The following TBC1D12 variants were observed in gnomAD, a reference collection of about 807,000 sequenced individuals.
TBC1D12 encodes the protein TBC1 domain family, member 12.
TBC1D12 carries 56 observed loss-of-function variants against 86.7 expected under a neutral mutation model. The ratio of observed to expected loss-of-function variants is 0.65; its 90% CI spans 0.52 to 0.81. The LOEUF is 0.81. Among genes scored for constraint, TBC1D12 ranks in the 30% least tolerant of loss-of-function variants. The probability of loss-of-function intolerance (pLI) is 0.00; values close to 1 mark genes in which losing one functional copy is unlikely to be tolerated. For synonymous variants in TBC1D12, 421 were observed against 411.7 expected (o/e 1.02, Z -0.27); for missense variants, 1,023 against 1,038.8 (o/e 0.98, Z 0.21).
In TBC1D12 at chr10:94,533,648, G is replaced by A. The variant is rs979236313; in HGVS notation, c.*552G>A. 2.6e-5 allele frequency: 4 copies of A among 152,166 alleles called. No homozygotes were observed. The highest frequency in any genetic ancestry group is 9.7e-5 in the African/African-American group (4 of 41,430). The allele number at this position is 152,166 out of a possible 1,614,324, so 9.4% of individuals were successfully genotyped here. ...GCAAATTCGAGTTACCTAGGAACTG[G>A]AAATGTTGGTGGGAGATTGTTTATT... On this transcript the variant is annotated 3_prime_UTR_variant, in exon 13 of 13. Transcript: ENST00000225235.
chr10:94,506,620 A>G (rs796421068), intron 6 of TBC1D12, among the ~76,000 whole-genome samples: 11 of 152,308 alleles, frequency 7.2e-5, no homozygotes, highest in African/African-American at 2.4e-4. Flanking sequence ...GAGACCCTGC[A>G]TATGGGAGTG....
Position 94,414,574 on chromosome 10 carries a change from G to T in TBC1D12, c.971+10990G>T, listed in dbSNP as rs192845147. Among the ~76,000 whole-genome samples, 4 of 150,100 alleles carry T rather than the reference G, an allele frequency of 2.7e-5. No individual in the cohort carries two copies. In the East Asian group the frequency reaches 7.8e-4, roughly 29 times the overall value. ...TCCCTAACGTCCCTGTCTCCCAGTGGCTTCTCAATAGGCCATACTGTGAAA... is the reference window on the plus strand; with the variant it reads ...TCCCTAACGTCCCTGTCTCCCAGTGTCTTCTCAATAGGCCATACTGTGAAA... On this transcript the variant is annotated intron_variant, in intron 1 of 12. Transcript: ENST00000225235.
intron 6 of TBC1D12, among the ~76,000 whole-genome samples, 178 bp downstream of exon 6, chr10:94,500,505 AGTT>A (rs1302808678): frequency 6.6e-6 from 1 of 152,222 alleles, no homozygotes; most frequent in Admixed American, 6.5e-5. Flanking sequence ...TGATTTAATA[AGTT>A]ATTACATTTT....
chr10:94,442,287 A>AT (rs1026316265), intron 2 of TBC1D12, among the ~76,000 whole-genome samples: 5 of 152,110 alleles, frequency 3.3e-5, no homozygotes, highest in Middle Eastern at 3.4e-3. Context: ...CCTTGAATAG[A>AT]TTTTTTAAAA....
At chr10:94,468,177 T>A (rs542315062) in intron 2 of TBC1D12, among the ~76,000 whole-genome samples, 2 of 152,346 alleles carry the variant, frequency 1.3e-5, no homozygotes, top group South Asian at 4.1e-4. Context: ...GTAAACTGCT[T>A]ATTTACATTT....
chr10:94,524,269 A>G (rs1842229306), intron 11 of TBC1D12, among the ~76,000 whole-genome samples: 1 of 152,178 alleles, frequency 6.6e-6, no homozygotes, highest in Non-Finnish European at 1.5e-5. Context: ...GGTATTACGC[A>G]TCTCCTCCTC....
At chr10:94,515,990 C>T (rs925817612) in intron 9 of TBC1D12, among the ~76,000 whole-genome samples, 1 of 152,176 alleles carries the variant, frequency 6.6e-6, no homozygotes, top group Non-Finnish European at 1.5e-5. Flanking sequence ...TTTTACCACC[C>T]TATTTAGAAC....
At chr10:94,517,750 A>G (rs745711798) in intron 9 of TBC1D12, among the ~76,000 whole-genome samples, 18 of 152,238 alleles carry the variant, frequency 1.2e-4, no homozygotes, top group Non-Finnish European at 2.4e-4. Context: ...TAACTATGTT[A>G]ATGAATAACA....
At chr10:94,435,638 T>A (rs2055283373) in intron 1 of TBC1D12, among the ~76,000 whole-genome samples, 1 of 152,248 alleles carries the variant, frequency 6.6e-6, no homozygotes, top group Non-Finnish European at 1.5e-5. Flanking sequence ...CCTCTAAATT[T>A]ATGTCTTTTT....
intron 3 of TBC1D12, among the ~76,000 whole-genome samples, chr10:94,488,327 G>A (rs980365829): frequency 4.0e-5 from 6 of 150,742 alleles, no homozygotes; most frequent in Non-Finnish European, 8.8e-5. Flanking sequence ...GGCGGAGGCT[G>A]CAGTGAGCTG....
rs755269898 is a variant in TBC1D12, at chr10:94,403,384, T to G, written c.771T>G (p.Asn257Lys). The part of the protein sequence containing the change: ...APPATSAERT[N>K]GGAEPRLGFS... ...CTGCCACCTCGGCCGAGAGGACTAA[T>G]GGGGGTGCGGAGCCGCGCCTGGGCT... Residue 257 changes from asparagine to lysine, a missense_variant, in exon 1 of 13, where the codon AAT becomes AAG. Physicochemically the swap from Asn to Lys is moderately conservative, Grantham distance 94. Coordinates refer to ENST00000225235, the MANE Select transcript of TBC1D12 (RefSeq NM_015188.2). The G allele has an allele frequency of 9.7e-6, 15 of 1,543,550 alleles. No homozygotes were observed. The highest frequency in any genetic ancestry group is 1.3e-5 in the Non-Finnish European group (15 of 1,144,910).
chr10:94,463,187 A>G (rs1203769069), intron 2 of TBC1D12, among the ~76,000 whole-genome samples: 2 of 152,120 alleles, frequency 1.3e-5, no homozygotes, highest in South Asian at 2.1e-4. Context: ...GATTTTACGG[A>G]TATGTTTTCA....
chr10:94,523,041 C>A, intron 11 of TBC1D12, among the ~76,000 whole-genome samples: 1 of 91,912 alleles, frequency 1.1e-5, no homozygotes, highest in Non-Finnish European at 2.1e-5. Context: ...GAGACTCCAG[C>A]TCAAAAAAAA....
intron 1 of TBC1D12, among the ~76,000 whole-genome samples, chr10:94,438,672 C>G (rs2055338107): frequency 6.6e-6 from 1 of 152,092 alleles, no homozygotes; most frequent in Non-Finnish European, 1.5e-5. Flanking sequence ...TTTATGCATG[C>G]TGCTTATTCA....
At chr10:94,536,326 TAAATGCTGTTAGAAAAAA>T (rs1001559102) in exon 13 of TBC1D12, among the ~76,000 whole-genome samples, 6 of 152,136 alleles carry the variant, frequency 3.9e-5, no homozygotes, top group African/African-American at 1.4e-4. Flanking sequence ...ATGCCTTATT[TAAATGCTGTTAGAAAAAA>T]AAATGCTGTT....
At chr10:94,478,228 C>CTCCA (rs1365037146) in intron 3 of TBC1D12, among the ~76,000 whole-genome samples, 1 of 152,226 alleles carries the variant, frequency 6.6e-6, no homozygotes, top group Admixed American at 6.5e-5. Context: ...TGCCACTGCA[C>CTCCA]TCCAGCCTGG....
At chr10:94,487,080 C>T (rs1420237757) in intron 3 of TBC1D12, among the ~76,000 whole-genome samples, 1 of 151,980 alleles carries the variant, frequency 6.6e-6, no homozygotes, top group African/African-American at 2.4e-5. Flanking sequence ...TCTCTTTTTA[C>T]AGTTTTTGTC....
At chr10:94,503,853 G>T (rs937802341) in intron 6 of TBC1D12, among the ~76,000 whole-genome samples, 2 of 152,202 alleles carry the variant, frequency 1.3e-5, no homozygotes, top group African/African-American at 4.8e-5. Flanking sequence ...TCGAACTCTT[G>T]ACCTCCAGTG....
At chr10:94,428,492 TAGAC>T (rs989075315) in intron 1 of TBC1D12, among the ~76,000 whole-genome samples, 3 of 151,600 alleles carry the variant, frequency 2.0e-5, no homozygotes, top group African/African-American at 7.3e-5. Context: ...TTTGCCATGT[TAGAC>T]AGGGTAATCT....
Sources: gnomAD v4.1 joint callset for allele counts (sites outside exome capture counted in the v4.1 genomes callset) on GRCh38, gnomAD v4.1.1 for gene constraint, MANE v1.5 for transcripts, NCBI Gene and HGNC (gene_info 2026-07-23, HGNC 2026-07-21) for gene names.